SLC15A2: variants seen among roughly 807,000 people sequenced by gnomAD.
SLC15A2 encodes the protein solute carrier family 15 member 2, also known as kidney H(+)/peptide cotransporter.
Under a neutral mutation model 95.5 loss-of-function variants are expected in SLC15A2, and 77 were observed. That is an observed-to-expected ratio of 0.81 (90% confidence interval 0.67 to 0.97). The LOEUF (loss-of-function observed/expected upper bound fraction) is 0.97, where lower values mean the gene tolerates loss of function less well. Among genes scored for constraint, SLC15A2 ranks in the 50% least tolerant of loss-of-function variants. The pLI, the probability that SLC15A2 is intolerant of heterozygous loss-of-function variation, is 0.00. For missense variants in SLC15A2, 893 were observed against 874.4 expected, an observed-to-expected ratio of 1.02 and a Z score of -0.27; for synonymous variants, 306 against 306.9, an observed-to-expected ratio of 1.00 and a Z score of 0.03.
At chr3:121,914,109 G>A (rs924536221) in intron 5 of SLC15A2, among the ~76,000 whole-genome samples, 2 of 152,092 alleles carry the variant, frequency 1.3e-5, no homozygotes, top group East Asian at 3.9e-4. Flanking sequence ...CTGTCAAAGA[G>A]TCCATAGATC....
chr3:121,908,265 C>T (rs140486321), intron 3 of SLC15A2, among the ~76,000 whole-genome samples: 33 of 152,270 alleles, frequency 2.2e-4, no homozygotes, highest in East Asian at 1.9e-3. Flanking sequence ...GGGAGTGTTG[C>T]GATTTTCCAG....
chr3:121,922,858 TC>T lies in SLC15A2; in HGVS notation c.866del (p.Pro289GlnfsTer8). ...GGCTAGACTGGGCGGCTGAGAAATA[TC>T]CAGTAAGTTGGAAATGCAGAAACAT... ...HWLDWAAEKY[P>X]KQLIMDVKAL... On this transcript the variant is annotated frameshift_variant and splice_region_variant, in exon 9 of 22. Coordinates refer to ENST00000489711, the MANE Select transcript of SLC15A2 (RefSeq NM_021082.4). LOFTEE classifies it high-confidence loss of function. 1 of 1,612,888 alleles carries T rather than the reference TC, an allele frequency of 6.2e-7. No homozygotes were observed. Among genetic ancestry groups the T allele is most frequent in the African/African-American group, 1.3e-5 (1 of 75,028 alleles).
chr3:121,930,348 G>A (rs1710207673), intron 17 of SLC15A2, among the ~76,000 whole-genome samples: 1 of 152,120 alleles, frequency 6.6e-6, no homozygotes, highest in African/African-American at 2.4e-5. Context: ...ACCTACTCTG[G>A]GCTGGGAGTC....
intron 7 of SLC15A2, among the ~76,000 whole-genome samples, chr3:121,921,422 G>C (rs1710003290): frequency 6.6e-6 from 1 of 151,574 alleles, no homozygotes; most frequent in Non-Finnish European, 1.5e-5. Flanking sequence ...TCCAGTTCTG[G>C]TATCTTCTAG....
chr3:121,933,902 C>T (rs1439927318), intron 19 of SLC15A2, among the ~76,000 whole-genome samples: 24 of 150,064 alleles, frequency 1.6e-4, no homozygotes, highest in South Asian at 6.4e-4. Context: ...TTAGGTCTAA[C>T]GTTTAAGTCT....
At chr3:121,919,594 T>A (rs1479065691) in intron 7 of SLC15A2, among the ~76,000 whole-genome samples, 1 of 152,122 alleles carries the variant, frequency 6.6e-6, no homozygotes, top group Non-Finnish European at 1.5e-5. Flanking sequence ...AAGACGGAGA[T>A]AGAAGTTCTC....
intron 7 of SLC15A2, among the ~76,000 whole-genome samples, chr3:121,920,292 T>C (rs1449115951): frequency 6.6e-6 from 1 of 152,138 alleles, no homozygotes; most frequent in Non-Finnish European, 1.5e-5. Flanking sequence ...TCTTTTTTTG[T>C]TTTTTATTTT....
intron 7 of SLC15A2, 135 bp from the exon 8 acceptor site, chr3:121,922,085 T>C (rs895168994): frequency 1.6e-6 from 1 of 636,144 alleles, no homozygotes; most frequent in East Asian, 2.8e-5. Flanking sequence ...AGCGCTGATA[T>C]ACTGAATGTG....
intron 3 of SLC15A2, 54 bp downstream of exon 3, chr3:121,897,583 C>G: frequency 6.3e-7 from 1 of 1,585,454 alleles, no homozygotes; most frequent in Non-Finnish European, 8.6e-7. Flanking sequence ...GTGCAGAAGG[C>G]TATCACTTCT....
intron 5 of SLC15A2, chr3:121,914,876 C>CAA (rs1220813579): frequency 6.7e-6 from 2 of 296,762 alleles, no homozygotes; most frequent in Non-Finnish European, 9.5e-6. Context: ...AAAAAAAAAA[C>CAA]CACAAACACA....
chr3:121,896,604 C>G, intron 2 of SLC15A2, 111 bp downstream of exon 2: 1 of 859,356 alleles, frequency 1.2e-6, no homozygotes, highest in Non-Finnish European at 1.9e-6. Context: ...ACTCTTTCTG[C>G]CTTGGTCCAA....
intron 11 of SLC15A2, among the ~76,000 whole-genome samples, chr3:121,923,533 G>A (rs2293612): frequency 0.45 from 67,839 of 151,960 alleles, 15,684 homozygotes; most frequent in East Asian, 0.7. Context: ...GATGTGATGC[G>A]TAACCTGGGA....
chr3:121,940,858 C>T lies in SLC15A2; in HGVS notation c.2041C>T (p.Leu681Phe), dbSNP rs567487227. Reference protein sequence around the residue: ...QWAEFILFSCLLLVICLIFSI... With the variant: ...QWAEFILFSCFLLVICLIFSI... ...GGCCGAATTCATTTTGTTTTCCTGC[C>T]TCCTGCTGGTGATCTGCCTGATCTT... The change falls in exon 22 of 22, where the codon CTC (leucine) becomes TTC (phenylalanine). Residue 681 changes from leucine to phenylalanine, a missense_variant. Coordinates refer to ENST00000489711, the MANE Select transcript of SLC15A2 (RefSeq NM_021082.4). 4 of 1,612,910 alleles carry T rather than the reference C, an allele frequency of 2.5e-6. No homozygotes were observed. The highest frequency in any genetic ancestry group is 2.2e-5 in the South Asian group (2 of 90,692).
At chr3:121,902,286 T>C (rs776043779) in intron 3 of SLC15A2, among the ~76,000 whole-genome samples, 91 of 152,202 alleles carry the variant, frequency 6.0e-4, no homozygotes, top group Non-Finnish European at 7.6e-4. Flanking sequence ...TCAGTTTTGA[T>C]TTTTGACCTG....
At chr3:121,927,486 G>A (rs989266718) in intron 13 of SLC15A2, among the ~76,000 whole-genome samples, 1 of 152,186 alleles carries the variant, frequency 6.6e-6, no homozygotes, top group Admixed American at 6.5e-5. Flanking sequence ...TTCACCATGT[G>A]ACATGCCTAT....
intron 16 of SLC15A2, 21 bp downstream of exon 16, chr3:121,929,167 T>A (rs1357947322): frequency 6.2e-7 from 1 of 1,606,486 alleles, no homozygotes; most frequent in Non-Finnish European, 8.5e-7. Flanking sequence ...GAATTGCCTG[T>A]GTTTTCAGTT....
chr3:121,918,761 T>C (rs1483470982), intron 7 of SLC15A2, among the ~76,000 whole-genome samples: 1 of 152,152 alleles, frequency 6.6e-6, no homozygotes, highest in African/African-American at 2.4e-5. Context: ...GAGATTAAGA[T>C]AAGGGTGACA....
rs749106909 is a variant in SLC15A2, at chr3:121,897,480, AC to A, written c.287del (p.Thr96IlefsTer31). 48 of 1,613,548 alleles carry A rather than the reference AC, an allele frequency of 3.0e-5. No homozygotes were observed. The highest frequency in any genetic ancestry group is 2.2e-4 in the Admixed American group (13 of 59,970). On this transcript the variant is annotated frameshift_variant, in exon 3 of 22. Transcript: ENST00000489711. LOFTEE classifies it high-confidence loss of function. Reference protein sequence around the residue: ...YHAFSSLCYFTPILGAAIADS... With the variant: ...YHAFSSLCYFXPILGAAIADS... ...TGCCTTCAGCAGCCTCTGTTATTTT[AC>A]TCCCATCCTGGGAGCAGCCATTGCT... is the stretch of plus-strand genomic sequence containing the variant.
intron 21 of SLC15A2, 74 bp downstream of exon 21, chr3:121,940,562 ATCTC>A (rs1710441347): frequency 1.6e-6 from 2 of 1,217,768 alleles, no homozygotes; most frequent in African/African-American, 1.5e-5. Context: ...CCTTTCCCCC[ATCTC>A]TCTGCTTCCC....
Sources: allele counts gnomAD v4.1 joint callset (sites outside exome capture counted in the v4.1 genomes callset), GRCh38; gene constraint gnomAD v4.1.1; transcripts MANE v1.5; gene names NCBI Gene and HGNC (gene_info 2026-07-23, HGNC 2026-07-21).